Variants in C10orf90 observed in about 807,000 individuals in gnomAD.
C10orf90 encodes the protein chromosome 10 open reading frame 90, also known as (E2-independent) E3 ubiquitin-conjugating enzyme FATS.
C10orf90 carries 56 observed loss-of-function variants against 62.5 expected under a neutral mutation model. The ratio of observed to expected loss-of-function variants is 0.90; its 90% CI spans 0.72 to 1.12. C10orf90 has a LOEUF of 1.12. C10orf90 is among the 50% of genes most tolerant of loss of function. C10orf90 has a pLI of 0.00. For missense variants in C10orf90, 970 were observed against 880.4 expected (o/e 1.10, Z -1.29); for synonymous variants, 386 against 340.4 (o/e 1.13, Z -1.47).
At position 126,625,149 on chromosome 10, in the gene C10orf90, A is replaced by G. The variant is rs141142835; in HGVS notation, c.313+21416T>C. On this transcript the variant is annotated intron_variant, in intron 2 of 9. Coordinates refer to ENST00000488181, the MANE Select transcript of C10orf90 (RefSeq NM_001350921.2). ...CTTGGAAGTGGAGCAATTGTACCTA[A>G]GCAGACACTCACGTGCCATTTCCCC... 4.3e-4 allele frequency among the ~76,000 whole-genome samples: 66 copies of G among 152,256 alleles called. No individual in the cohort carries two copies. The East Asian group carries it at 8.3e-3, about 19-fold the overall frequency.
Position 126,631,957 on chromosome 10 carries a change from G to A in C10orf90, c.313+14608C>T, listed in dbSNP as rs1467660617. Among the ~76,000 whole-genome samples, 3 of 152,228 alleles carry A rather than the reference G, an allele frequency of 2.0e-5. No individual in the cohort carries two copies. In the East Asian group the frequency reaches 5.8e-4, roughly 30 times the overall value. On this transcript the variant is annotated intron_variant, in intron 2 of 9. Coordinates refer to ENST00000488181, the MANE Select transcript of C10orf90 (RefSeq NM_001350921.2). Reference sequence around the variant, plus strand: ...AGGGGACCAGACACTGTCCTCACGTGTGTAGCCGCAGATGCCCCAGTAGAG... The same window carrying A: ...AGGGGACCAGACACTGTCCTCACGTATGTAGCCGCAGATGCCCCAGTAGAG...
intron 2 of C10orf90, among the ~76,000 whole-genome samples, chr10:126,636,786 T>TA (rs1035484822): frequency 2.0e-5 from 3 of 151,940 alleles, no homozygotes; most frequent in Admixed American, 6.6e-5. Context: ...CAAAAGCCAC[T>TA]AAAAAAAATA....
At chr10:126,514,502 A>G (rs1243026342) in intron 2 of C10orf90, among the ~76,000 whole-genome samples, 1 of 152,222 alleles carries the variant, frequency 6.6e-6, no homozygotes, top group Middle Eastern at 3.2e-3. Flanking sequence ...AAGATAGCTA[A>G]GAATATTGTC....
At chr10:126,473,031 C>T (rs761269598) in intron 4 of C10orf90, among the ~76,000 whole-genome samples, 1 of 152,166 alleles carries the variant, frequency 6.6e-6, no homozygotes, top group East Asian at 1.9e-4. Context: ...TATTGAGTAA[C>T]TACTATGTGC....
intron 7 of C10orf90, among the ~76,000 whole-genome samples, chr10:126,447,998 C>T (rs1041139117): frequency 6.7e-6 from 1 of 149,428 alleles, no homozygotes; most frequent in East Asian, 2.0e-4. Context: ...ACTACAGGAG[C>T]CTGCCACCAT....
intron 7 of C10orf90, among the ~76,000 whole-genome samples, chr10:126,448,724 A>G (rs1263012374): frequency 2.0e-5 from 3 of 152,198 alleles, no homozygotes; most frequent in Non-Finnish European, 4.4e-5. Flanking sequence ...AATACAAAGA[A>G]TTATAAGAGA....
intron 2 of C10orf90, among the ~76,000 whole-genome samples, chr10:126,548,427 C>T (rs764700721): frequency 1.4e-4 from 21 of 152,088 alleles, no homozygotes; most frequent in Non-Finnish European, 2.2e-4. Flanking sequence ...AGTACAGTGG[C>T]GCAATCTTGG....
intron 2 of C10orf90, among the ~76,000 whole-genome samples, chr10:126,559,827 A>AT (rs1864861680): frequency 6.6e-6 from 1 of 152,256 alleles, no homozygotes; most frequent in South Asian, 2.1e-4. Flanking sequence ...AGTCAGGAAT[A>AT]TTTTTTCCTA....
At chr10:126,604,845 T>C (rs375377258) in intron 2 of C10orf90, among the ~76,000 whole-genome samples, 11 of 152,190 alleles carry the variant, frequency 7.2e-5, no homozygotes, top group African/African-American at 2.4e-4. Context: ...ATTTTCATAA[T>C]AGGGCACAAG....
chr10:126,499,429 T>C (rs1456856214), intron 4 of C10orf90, among the ~76,000 whole-genome samples: 1 of 152,014 alleles, frequency 6.6e-6, no homozygotes, highest in Admixed American at 6.6e-5. Context: ...AGAAAAAAAA[T>C]CACATTTGTA....
chr10:126,662,016 A>ATGT (rs1266157402), intron 1 of C10orf90, among the ~76,000 whole-genome samples: 1 of 151,822 alleles, frequency 6.6e-6, no homozygotes, highest in Non-Finnish European at 1.5e-5. Context: ...GATTCTTTGA[A>ATGT]TGTTTAGTAA....
rs142239910 is a variant in C10orf90 at position 126,469,156 on chromosome 10, C to T, written c.1535-4170G>A. On this transcript the variant is annotated intron_variant, in intron 4 of 9. Coordinates refer to ENST00000488181, the MANE Select transcript of C10orf90 (RefSeq NM_001350921.2). ...AACTATGAAAAGCAGACACACGAGC[C>T]GGGAGGGTACAGCTGCCCAGGGAAT... is the stretch of plus-strand genomic sequence containing the variant. Among the ~76,000 whole-genome samples, 1,365 of 152,206 alleles carry T rather than the reference C, an allele frequency of 9.0e-3. 12 individuals are homozygous for T. Among genetic ancestry groups the T allele is most frequent in the Non-Finnish European group, 0.011 (745 of 68,012 alleles).
At chr10:126,438,994 C>A (rs1167016459) in intron 7 of C10orf90, among the ~76,000 whole-genome samples, 1 of 152,136 alleles carries the variant, frequency 6.6e-6, no homozygotes, top group African/African-American at 2.4e-5. Context: ...ATGGCCACTC[C>A]ATTGGTACCA....
intron 7 of C10orf90, among the ~76,000 whole-genome samples, chr10:126,439,760 G>A (rs1858181107): frequency 6.6e-6 from 1 of 152,094 alleles, no homozygotes; most frequent in Non-Finnish European, 1.5e-5. Flanking sequence ...AAAATATCTA[G>A]TCAAAGAAAA....
intron 4 of C10orf90, among the ~76,000 whole-genome samples, chr10:126,486,476 T>C (rs111437829): frequency 0.017 from 2,547 of 152,216 alleles, 65 homozygotes; most frequent in African/African-American, 0.057. Context: ...GACACCAAAC[T>C]GCAGAAGCAG....
At chr10:126,435,811 G>A (rs192246942) in intron 7 of C10orf90, among the ~76,000 whole-genome samples, 38 of 152,060 alleles carry the variant, frequency 2.5e-4, no homozygotes, top group Admixed American at 4.6e-4. Flanking sequence ...GATTCTAGAC[G>A]TGGTTTACAG....
intron 8 of C10orf90, among the ~76,000 whole-genome samples, 188 bp from the exon 9 acceptor site, chr10:126,426,278 A>C (rs1304138251): frequency 6.6e-6 from 1 of 152,202 alleles, no homozygotes; most frequent in Non-Finnish European, 1.5e-5. Context: ...GCTGCATAGC[A>C]GGGGATGGCA....
intron 2 of C10orf90, among the ~76,000 whole-genome samples, chr10:126,561,620 A>C (rs1864901442): frequency 6.6e-6 from 1 of 152,142 alleles, no homozygotes. Flanking sequence ...TCCGCAGTGC[A>C]ATGAGGTTTG....
chr10:126,559,268 C>G (rs1864848642), intron 2 of C10orf90, among the ~76,000 whole-genome samples: 1 of 152,178 alleles, frequency 6.6e-6, no homozygotes, highest in African/African-American at 2.4e-5. Context: ...TCCAGCATTT[C>G]CATGTTTCCA....
Sources: allele counts gnomAD v4.1 joint callset (sites outside exome capture counted in the v4.1 genomes callset), GRCh38; gene constraint gnomAD v4.1.1; transcripts MANE v1.5; gene names NCBI Gene and HGNC (gene_info 2026-07-23, HGNC 2026-07-21).